TMEM117: variants seen among roughly 807,000 people sequenced by gnomAD.
TMEM117 encodes the protein transmembrane protein 117.
In TMEM117, 27 loss-of-function variants were observed where a neutral mutation model predicts 52.4. The observed-to-expected ratio is 0.51, with a 90% confidence interval of 0.38 to 0.71. The LOEUF (loss-of-function observed/expected upper bound fraction) is 0.71. TMEM117 is among the 30% of genes least tolerant of loss of function. The probability of loss-of-function intolerance (pLI) is 0.00; values close to 1 mark genes in which losing one functional copy is unlikely to be tolerated. For synonymous variants in TMEM117, 215 were observed against 206.3 expected, an observed-to-expected ratio of 1.04 and a Z score of -0.36; for missense variants, 556 against 630.5, an observed-to-expected ratio of 0.88 and a Z score of 1.26.
intron 5 of TMEM117, among the ~76,000 whole-genome samples, chr12:44,226,678 GAT>G (rs1949866026): frequency 6.6e-6 from 1 of 152,094 alleles, no homozygotes; most frequent in Non-Finnish European, 1.5e-5. Flanking sequence ...GCCCTAGTCT[GAT>G]ATGACTGGTG....
At chr12:44,325,086 T>C (rs879604039) in intron 6 of TMEM117, among the ~76,000 whole-genome samples, 6 of 152,202 alleles carry the variant, frequency 3.9e-5, no homozygotes, top group Admixed American at 6.5e-5. Context: ...TCCAATTTGA[T>C]TGACAAAAAA....
chr12:44,210,575 G>C (rs1269422710), intron 4 of TMEM117, among the ~76,000 whole-genome samples: 1 of 152,130 alleles, frequency 6.6e-6, no homozygotes, highest in Non-Finnish European at 1.5e-5. Flanking sequence ...TCAAAGCCTA[G>C]TGAAGAGAGA....
chr12:44,240,791 TG>T (rs1950051974), intron 5 of TMEM117, among the ~76,000 whole-genome samples: 1 of 152,064 alleles, frequency 6.6e-6, no homozygotes, highest in South Asian at 2.1e-4. Context: ...CAATTTAAGT[TG>T]TTTTCAGATG....
chr12:44,259,977 C>T (rs766716486), intron 5 of TMEM117, among the ~76,000 whole-genome samples: 1 of 152,108 alleles, frequency 6.6e-6, no homozygotes, highest in Non-Finnish European at 1.5e-5. Flanking sequence ...TATATGATAT[C>T]TGAGAACATT....
intron 3 of TMEM117, among the ~76,000 whole-genome samples, chr12:44,126,458 T>G (rs373586118): frequency 1.8e-4 from 28 of 152,352 alleles, no homozygotes; most frequent in African/African-American, 6.5e-4. Context: ...TCTAGACATC[T>G]ACAGCATTAG....
intron 5 of TMEM117, among the ~76,000 whole-genome samples, chr12:44,268,220 C>T (rs898124645): frequency 2.0e-5 from 3 of 152,008 alleles, no homozygotes; most frequent in Non-Finnish European, 4.4e-5. Flanking sequence ...TCACTGCAAC[C>T]TCTGCCTCCC....
the TMEM117 span, among the ~76,000 whole-genome samples, chr12:43,808,858 A>C: frequency 6.6e-6 from 1 of 150,874 alleles, no homozygotes; most frequent in Non-Finnish European, 1.5e-5. Flanking sequence ...ACTCAATTCA[A>C]TTCTGACTGA....
chr12:44,339,109 A>G (rs1333850235), intron 6 of TMEM117, among the ~76,000 whole-genome samples: 1 of 152,052 alleles, frequency 6.6e-6, no homozygotes, highest in African/African-American at 2.4e-5. Flanking sequence ...CTAGGCATTA[A>G]ACACTGGTAT....
At chr12:44,061,009 C>G (rs1947130927) in intron 3 of TMEM117, among the ~76,000 whole-genome samples, 1 of 152,048 alleles carries the variant, frequency 6.6e-6, no homozygotes, top group South Asian at 2.1e-4. Context: ...TGTTTTAACT[C>G]ATTTTATTTT....
chr12:44,201,955 G>GATATCTTTATATCAT (rs1565585324), intron 4 of TMEM117, among the ~76,000 whole-genome samples: 3 of 151,466 alleles, frequency 2.0e-5, no homozygotes, highest in Non-Finnish European at 4.4e-5. Flanking sequence ...GATATCATGT[G>GATATCTTTATATCAT]GTATCTTTAT....
intron 3 of TMEM117, among the ~76,000 whole-genome samples, chr12:44,045,492 C>T (rs888051943): frequency 6.6e-6 from 1 of 152,202 alleles, no homozygotes; most frequent in African/African-American, 2.4e-5. Context: ...CCTTATCCAC[C>T]ATCATGGTAT....
chr12:44,383,664 T>C (rs1952050562), intron 7 of TMEM117, among the ~76,000 whole-genome samples: 1 of 152,208 alleles, frequency 6.6e-6, no homozygotes, highest in Non-Finnish European at 1.5e-5. Context: ...AGCTCTCATA[T>C]GATTAATGCT....
intron 3 of TMEM117, among the ~76,000 whole-genome samples, chr12:44,068,973 A>T (rs1054273938): frequency 6.6e-6 from 1 of 152,152 alleles, no homozygotes; most frequent in Non-Finnish European, 1.5e-5. Flanking sequence ...ATAGTTAATT[A>T]TTTTTTCCTG....
intron 3 of TMEM117, among the ~76,000 whole-genome samples, chr12:44,050,914 G>A (rs1946961316): frequency 6.6e-6 from 1 of 152,230 alleles, no homozygotes; most frequent in Non-Finnish European, 1.5e-5. Context: ...AAGTTTAGGA[G>A]TAAGACTGAT....
At chr12:44,009,280 G>A (rs189074062) in intron 3 of TMEM117, 19 of 273,046 alleles carry the variant, frequency 7.0e-5, no homozygotes, top group Admixed American at 5.8e-4. Flanking sequence ...TGCAGAAACC[G>A]ATACAGGATG....
At position 44,114,257 on chromosome 12, in the gene TMEM117, AATT is replaced by A. The variant is rs567531797; in HGVS notation, c.411-29267_411-29265del. Among the ~76,000 whole-genome samples, 388 of 152,264 alleles carry A rather than the reference AATT, an allele frequency of 2.5e-3. 1 individual carries two copies. Among genetic ancestry groups the A allele is most frequent in the Non-Finnish European group, 3.5e-3 (238 of 68,016 alleles). ...TCCGTACCAAATTTAAATAAGTTTAAATTTTTATTTTAAAGAAAAATGACAACT... is the reference window on the plus strand; with the variant it reads ...TCCGTACCAAATTTAAATAAGTTTAATTTATTTTAAAGAAAAATGACAACT... On this transcript the variant is annotated intron_variant, in intron 3 of 7. Coordinates refer to ENST00000266534, the MANE Select transcript of TMEM117 (RefSeq NM_032256.3).
intron 5 of TMEM117, among the ~76,000 whole-genome samples, chr12:44,233,087 TG>T (rs1160158569): frequency 6.6e-6 from 1 of 151,344 alleles, no homozygotes; most frequent in African/African-American, 2.4e-5. Flanking sequence ...TTGTTTTCAC[TG>T]TTTTCAGTTC....
chr12:44,058,687 T>C (rs1325168123), intron 3 of TMEM117, among the ~76,000 whole-genome samples: 1 of 152,204 alleles, frequency 6.6e-6, no homozygotes, highest in East Asian at 1.9e-4. Context: ...ATTACTACAG[T>C]AAATTGTATT....
chr12:43,881,606 A>C (rs1241065482), intron 2 of TMEM117, among the ~76,000 whole-genome samples: 1 of 151,912 alleles, frequency 6.6e-6, no homozygotes, highest in Non-Finnish European at 1.5e-5. Flanking sequence ...CCTGACCAAA[A>C]TGGAGAAACC....
Sources: allele counts gnomAD v4.1 joint callset (sites outside exome capture counted in the v4.1 genomes callset), GRCh38; gene constraint gnomAD v4.1.1; transcripts MANE v1.5; gene names NCBI Gene and HGNC (gene_info 2026-07-23, HGNC 2026-07-21).